Variants in PLVAP observed in about 807,000 individuals in gnomAD.
The protein encoded by PLVAP is plasmalemma vesicle-associated protein.
PLVAP carries 34 observed loss-of-function variants against 43.1 expected under a neutral mutation model. The ratio of observed to expected loss-of-function variants is 0.79; its 90% CI spans 0.60 to 1.05. The LOEUF is 1.05. Ranked by LOEUF, PLVAP falls within the 50% of genes least tolerant of loss-of-function variation. PLVAP has a pLI of 0.00. For missense variants in PLVAP, 574 were observed against 593.4 expected, an observed-to-expected ratio of 0.97 and a Z score of 0.34; for synonymous variants, 241 against 237.3, an observed-to-expected ratio of 1.02 and a Z score of -0.14.
chr19:17,374,825 T>TTTA (rs201247494), intron 1 of PLVAP, among the ~76,000 whole-genome samples: 5 of 148,002 alleles, frequency 3.4e-5, no homozygotes, highest in African/African-American at 1.2e-4. Flanking sequence ...TATGTATGTA[T>TTTA]GTATTTATTT....
chr19:17,373,757 G>A (rs890687883), intron 1 of PLVAP, among the ~76,000 whole-genome samples: 1 of 152,086 alleles, frequency 6.6e-6, no homozygotes, highest in Non-Finnish European at 1.5e-5. Context: ...TGGTCTCCAG[G>A]AGACCCCAGA....
chr19:17,360,517 C>T lies in PLVAP; in HGVS notation c.1322+11G>A. 3 of 1,613,156 alleles carry T rather than the reference C, an allele frequency of 1.9e-6. No individual in the cohort carries two copies. Among genetic ancestry groups the T allele is most frequent in the Non-Finnish European group, 2.5e-6 (3 of 1,179,116 alleles). On this transcript the variant is annotated intron_variant, in intron 5 of 5. Coordinates refer to ENST00000252590, the MANE Select transcript of PLVAP (RefSeq NM_031310.3). Reference sequence around the variant, plus strand: ...TAAGACTGAACAACTGCAGTCTGCCCAGTGCCTTACCTGGATGGGGCTACA... The same window carrying T: ...TAAGACTGAACAACTGCAGTCTGCCTAGTGCCTTACCTGGATGGGGCTACA...
chr19:17,359,847 T>G (rs2074521241), intron 5 of PLVAP, among the ~76,000 whole-genome samples: 2 of 152,108 alleles, frequency 1.3e-5, no homozygotes, highest in Admixed American at 1.3e-4. Flanking sequence ...CATGAGCCAC[T>G]GTGCCCAGCT....
At chr19:17,368,673 G>A (rs989871442) in intron 1 of PLVAP, among the ~76,000 whole-genome samples, 3 of 152,036 alleles carry the variant, frequency 2.0e-5, no homozygotes, top group African/African-American at 7.2e-5. Context: ...CCACCTGCAA[G>A]CCAAGTAGAA....
chr19:17,353,183 C>A lies in PLVAP; in HGVS notation c.1323-815G>T, dbSNP rs1331128278. Among the ~76,000 whole-genome samples, 10 of 152,290 alleles carry A rather than the reference C, an allele frequency of 6.6e-5. No homozygotes were observed. In the East Asian group the frequency reaches 1.7e-3, roughly 27 times the overall value. ...CCTTCCCCGGCTCTTCCCTGGGGCC[C>A]GAGTGGCCTCACGTTCCTTGGTTGG... On this transcript the variant is annotated intron_variant, in intron 5 of 5. Transcript: ENST00000252590.
At chr19:17,376,858 C>T in intron 1 of PLVAP, 62 bp downstream of exon 1, 2 of 1,490,858 alleles carry the variant, frequency 1.3e-6, no homozygotes, top group South Asian at 2.5e-5. Flanking sequence ...GAAACTCAGG[C>T]TCAGAGAGGT....
chr19:17,375,645 G>A (rs2074591878), intron 1 of PLVAP, among the ~76,000 whole-genome samples: 1 of 152,056 alleles, frequency 6.6e-6, no homozygotes, highest in South Asian at 2.1e-4. Context: ...ACTATGGGAG[G>A]CCGAGGTGGG....
At chr19:17,369,358 G>T (rs1196287874) in intron 1 of PLVAP, among the ~76,000 whole-genome samples, 1 of 148,444 alleles carries the variant, frequency 6.7e-6, no homozygotes, top group Non-Finnish European at 1.5e-5. Context: ...GCTAATTTTT[G>T]TATTTTTAGT....
intron 1 of PLVAP, among the ~76,000 whole-genome samples, chr19:17,375,066 C>G (rs1599580579): frequency 6.6e-6 from 1 of 152,148 alleles, no homozygotes; most frequent in East Asian, 1.9e-4. Context: ...AAGTGATCCA[C>G]CCACCTTGGC....
Position 17,366,193 on chromosome 19 carries a change from G to T in PLVAP, c.372C>A (p.Val124=), listed in dbSNP as rs138246020. The change falls in exon 2 of 6, where the codon GTC becomes GTA. Residue 124 remains valine, a splice_region_variant and synonymous_variant. Transcript: ENST00000252590. ...ASFRQCQGDR[V]IYTNNQRYMA... ...TGTACCTCTGATTGTTCGTGTAGATGACCTGCCCGGAAGATAGGGGAAGGA... is the reference window on the plus strand; with the variant it reads ...TGTACCTCTGATTGTTCGTGTAGATTACCTGCCCGGAAGATAGGGGAAGGA... The T allele has an allele frequency of 1.3e-4, 205 of 1,613,294 alleles. No individual in the cohort carries two copies. The highest frequency in any genetic ancestry group is 1.6e-4 in the Non-Finnish European group (189 of 1,179,774).
At chr19:17,365,080 T>A (rs1382735403) in intron 3 of PLVAP, among the ~76,000 whole-genome samples, 2 of 152,018 alleles carry the variant, frequency 1.3e-5, no homozygotes, top group Non-Finnish European at 2.9e-5. Flanking sequence ...GCACTCTAAT[T>A]CCATTCTTAA....
intron 5 of PLVAP, among the ~76,000 whole-genome samples, chr19:17,356,518 T>A (rs1367637387): frequency 6.6e-6 from 1 of 152,086 alleles, no homozygotes; most frequent in African/African-American, 2.4e-5. Context: ...ATTTTTTCTC[T>A]CTTAGAGACG....
intron 1 of PLVAP, among the ~76,000 whole-genome samples, chr19:17,373,110 G>C (rs1251902650): frequency 1.0e-5 from 1 of 98,188 alleles, no homozygotes. Context: ...AAAGACACCA[G>C]TTAGCCAGGT....
chr19:17,367,152 C>T (rs976804472), intron 1 of PLVAP, among the ~76,000 whole-genome samples: 5 of 151,698 alleles, frequency 3.3e-5, no homozygotes, highest in African/African-American at 1.2e-4. Flanking sequence ...ACCATGCTGC[C>T]GAGGCTGGTC....
At chr19:17,369,372 G>A (rs1328958079) in intron 1 of PLVAP, among the ~76,000 whole-genome samples, 1 of 148,624 alleles carries the variant, frequency 6.7e-6, no homozygotes, top group African/African-American at 2.4e-5. Flanking sequence ...TTTTAGTAGA[G>A]ACAGGGTTTC....
intron 1 of PLVAP, among the ~76,000 whole-genome samples, chr19:17,373,065 CAAAAAAAAAA>C (rs59152541): frequency 2.4e-4 from 11 of 45,676 alleles, no homozygotes; most frequent in African/African-American, 3.9e-4. Flanking sequence ...GACTCTGTCT[CAAAAAAAAAA>C]AAAAAAAAAA....
chr19:17,372,844 C>T (rs1036440307), intron 1 of PLVAP, among the ~76,000 whole-genome samples: 4 of 149,784 alleles, frequency 2.7e-5, no homozygotes, highest in African/African-American at 7.3e-5. Flanking sequence ...GGGCGGATCA[C>T]GAGGTCAGGA....
chr19:17,353,564 C>T (rs1225690893), intron 5 of PLVAP, among the ~76,000 whole-genome samples: 5 of 152,126 alleles, frequency 3.3e-5, no homozygotes, highest in Non-Finnish European at 2.9e-5. Context: ...AGGCACGGTC[C>T]CACCTTGGGG....
chr19:17,358,898 C>T (rs1036110421), intron 5 of PLVAP, among the ~76,000 whole-genome samples: 3 of 151,836 alleles, frequency 2.0e-5, no homozygotes, highest in East Asian at 1.9e-4. Context: ...CTCCTGGACT[C>T]GGGCGATCTT....
Sources: gnomAD v4.1 joint callset for allele counts (sites outside exome capture counted in the v4.1 genomes callset) on GRCh38, gnomAD v4.1.1 for gene constraint, MANE v1.5 for transcripts, NCBI Gene and HGNC (gene_info 2026-07-23, HGNC 2026-07-21) for gene names.